CHD7: variants seen among roughly 807,000 people sequenced by gnomAD.
CHD7 encodes the protein chromodomain helicase DNA binding protein 7, also known as ATP-dependent chromatin remodeler CHD7.
Under a neutral mutation model 307.3 loss-of-function variants are expected in CHD7, and 24 were observed. That is an observed-to-expected ratio of 0.08 (90% CI 0.06 to 0.11). CHD7 has a LOEUF of 0.11. CHD7 is among the 10% of genes least tolerant of loss of function. CHD7 has a pLI of 1.00. For missense variants in CHD7, 3,106 were observed against 3,727.1 expected (o/e 0.83, Z 4.34); for synonymous variants, 1,363 against 1,349.9 (o/e 1.01, Z -0.21).
chr8:60,705,042 T>C (rs1000836280), intron 1 of CHD7, among the ~76,000 whole-genome samples: 4 of 152,170 alleles, frequency 2.6e-5, no homozygotes, highest in African/African-American at 9.7e-5. Context: ...GCATAGGAGC[T>C]CTGAATGTGA....
At chr8:60,758,229 A>G (rs971327526) in intron 2 of CHD7, among the ~76,000 whole-genome samples, 18 of 151,934 alleles carry the variant, frequency 1.2e-4, no homozygotes, top group African/African-American at 4.4e-4. Flanking sequence ...TCTACCTCCC[A>G]GGCTCAAGCA....
Position 60,781,120 on chromosome 8 carries a change from C to A in CHD7, c.1786C>A (p.Gln596Lys). Reference sequence around the variant, plus strand: ...GCCATCAATAGAACAGCAGCCACAACAAAAGAAGAAGAAAAAGAAAAACAA... The same window carrying A: ...GCCATCAATAGAACAGCAGCCACAAAAAAAGAAGAAGAAAAAGAAAAACAA... ...YLPSIEQQPQ[Q>K]KKKKKKNNHI... Residue 596 changes from glutamine (Q) to lysine (K), a missense_variant, in exon 3 of 38, where the codon CAA becomes AAA. This residue lies in a region of CHD7 where 998 missense variants were observed against 1,004.5 expected (regional missense o/e 0.99). Transcript: ENST00000423902. 6.2e-7 allele frequency: 1 copy of A among 1,610,388 alleles called. No homozygotes were observed. The highest frequency in any genetic ancestry group is 8.5e-7 in the Non-Finnish European group (1 of 1,178,322).
At chr8:60,693,509 G>A (rs1403327855) in intron 1 of CHD7, among the ~76,000 whole-genome samples, 2 of 152,182 alleles carry the variant, frequency 1.3e-5, no homozygotes, top group African/African-American at 4.8e-5. Flanking sequence ...ACAGTTTAGT[G>A]TCCAGGCTCC....
At position 60,830,546 on chromosome 8, in the gene CHD7, G is replaced by A. The variant is rs1804460059; in HGVS notation, c.3747G>A (p.Arg1249=). 3 of 1,613,890 alleles carry A rather than the reference G, an allele frequency of 1.9e-6. No individual in the cohort carries two copies. The highest frequency in any genetic ancestry group is 2.7e-5 in the African/African-American group (2 of 74,936). ...PNLLNTMMEL[R]KCCNHPYLIN... is the part of the protein sequence containing the mutation. The stretch of plus-strand genomic sequence containing the variant: ...TATTAAACACTATGATGGAATTGCG[G>A]AAGTGCTGCAATCATCCGTACCTTA... Residue 1249 remains arginine, a synonymous_variant, in exon 15 of 38, where the codon CGG becomes CGA. Coordinates refer to ENST00000423902, the MANE Select transcript of CHD7 (RefSeq NM_017780.4).
At chr8:60,716,242 C>T (rs997289887) in intron 1 of CHD7, among the ~76,000 whole-genome samples, 1 of 152,192 alleles carries the variant, frequency 6.6e-6, no homozygotes, top group Non-Finnish European at 1.5e-5. Context: ...CCTGTGTTGC[C>T]TGCAGTCTTT....
At chr8:60,762,981 C>T (rs992313708) in intron 2 of CHD7, among the ~76,000 whole-genome samples, 1 of 148,854 alleles carries the variant, frequency 6.7e-6, no homozygotes, top group Non-Finnish European at 1.5e-5. Flanking sequence ...ACAGAGGCCC[C>T]GAGGGTTGGT....
intron 4 of CHD7, among the ~76,000 whole-genome samples, chr8:60,797,869 T>C (rs1812105434): frequency 6.6e-6 from 1 of 152,192 alleles, no homozygotes; most frequent in African/African-American, 2.4e-5. Context: ...AGGGAAGCTG[T>C]ACAAGGTAAC....
Position 60,856,754 on chromosome 8 carries a change from A to G in CHD7, c.7474A>G (p.Thr2492Ala). The G allele has an allele frequency of 6.2e-7, 1 of 1,614,028 alleles. No homozygotes were observed. The highest frequency in any genetic ancestry group is 8.5e-7 in the Non-Finnish European group (1 of 1,179,888). The change falls in exon 34 of 38, where the codon ACA (threonine) becomes GCA (alanine). Residue 2492 changes from threonine (T) to alanine (A), a missense_variant. Coordinates refer to ENST00000423902, the MANE Select transcript of CHD7 (RefSeq NM_017780.4). ...MELLQAGLSR[T>A]PTRHLLNGSL... ...ACTGCTCCAAGCAGGCCTTTCGCGC[A>G]CACCCACAAGGCATCTCCTTAATGG... is the stretch of plus-strand genomic sequence containing the variant.
At chr8:60,856,982 G>T (rs1805748200) in intron 34 of CHD7, 94 bp downstream of exon 34, 19 of 1,155,956 alleles carry the variant, frequency 1.6e-5, no homozygotes, top group Non-Finnish European at 2.2e-5. Flanking sequence ...TCTCTCAGCA[G>T]CATTGTATGA....
intron 1 of CHD7, among the ~76,000 whole-genome samples, chr8:60,708,690 G>A (rs1363567136): frequency 6.6e-6 from 1 of 152,020 alleles, no homozygotes; most frequent in Non-Finnish European, 1.5e-5. Context: ...CTTTTGCTTC[G>A]CCCTATTTCA....
chr8:60,832,195 T>C (rs1804549584), intron 15 of CHD7, among the ~76,000 whole-genome samples: 1 of 152,086 alleles, frequency 6.6e-6, no homozygotes, highest in Non-Finnish European at 1.5e-5. Flanking sequence ...CTAATTTTTT[T>C]TGTATTTTTT....
At chr8:60,836,416 A>G (rs1804743473) in intron 16 of CHD7, 133 bp downstream of exon 16, 1 of 695,386 alleles carries the variant, frequency 1.4e-6, no homozygotes, top group African/African-American at 1.8e-5. Context: ...TGTCATTTTT[A>G]AAACTATAGA....
intron 1 of CHD7, among the ~76,000 whole-genome samples, chr8:60,692,641 A>G (rs1806255748): frequency 6.6e-6 from 1 of 152,224 alleles, no homozygotes; most frequent in African/African-American, 2.4e-5. Context: ...CACATAAGGC[A>G]GCTTTTTTCC....
intron 15 of CHD7, 93 bp downstream of exon 15, chr8:60,830,670 G>C (rs1401609301): frequency 2.9e-6 from 4 of 1,380,476 alleles, no homozygotes; most frequent in Non-Finnish European, 4.0e-6. Context: ...ATGGTGTATA[G>C]TCATTCCTGT....
intron 1 of CHD7, among the ~76,000 whole-genome samples, chr8:60,681,854 A>G (rs370489068): frequency 1.8e-4 from 27 of 152,302 alleles, no homozygotes; most frequent in African/African-American, 6.0e-4. Flanking sequence ...TCCTGGGTCT[A>G]TGCTTTCGCG....
chr8:60,759,033 G>A (rs1213497570), intron 2 of CHD7, among the ~76,000 whole-genome samples: 1 of 152,152 alleles, frequency 6.6e-6, no homozygotes, highest in African/African-American at 2.4e-5. Context: ...AAAGGGCAGC[G>A]ATGTCTTAGT....
intron 21 of CHD7, among the ~76,000 whole-genome samples, chr8:60,844,103 C>T (rs1445503265): frequency 6.6e-6 from 1 of 152,220 alleles, no homozygotes; most frequent in Non-Finnish European, 1.5e-5. Flanking sequence ...GCACCTGCTG[C>T]TGCCTGCCCC....
At chr8:60,790,711 A>G (rs1399286976) in intron 3 of CHD7, among the ~76,000 whole-genome samples, 4 of 152,228 alleles carry the variant, frequency 2.6e-5, no homozygotes, top group South Asian at 2.1e-4. Flanking sequence ...TGTAAACGTA[A>G]TAAGACACAG....
chr8:60,746,020 A>G (rs753317680), intron 2 of CHD7, among the ~76,000 whole-genome samples: 1 of 152,176 alleles, frequency 6.6e-6, no homozygotes, highest in East Asian at 1.9e-4. Context: ...TGTAGATACA[A>G]TGTAAAATTA....
Sources: allele counts gnomAD v4.1 joint callset (sites outside exome capture counted in the v4.1 genomes callset), GRCh38; gene constraint gnomAD v4.1.1; regional missense constraint gnomAD v4.1.1; transcripts MANE v1.5; gene names NCBI Gene and HGNC (gene_info 2026-07-23, HGNC 2026-07-21).